GEMIN5: variants seen among roughly 807,000 people sequenced by gnomAD.
GEMIN5 encodes the protein gem nuclear organelle associated protein 5, also known as gem-associated protein 5.
In GEMIN5, 124 loss-of-function variants were observed where a neutral mutation model predicts 176.9. That is an observed-to-expected ratio of 0.70 (90% CI 0.61 to 0.81). GEMIN5 has a LOEUF of 0.81. GEMIN5 is among the 40% of genes least tolerant of loss of function. GEMIN5 has a pLI of 0.00. For synonymous variants in GEMIN5, 673 were observed against 665.2 expected (o/e 1.01, Z -0.18); for missense variants, 1,843 against 1,814.6 (o/e 1.02, Z -0.28).
At chr5:154,890,294 CTT>C (rs765030143) in intron 26 of GEMIN5, among the ~76,000 whole-genome samples, 16 of 152,050 alleles carry the variant, frequency 1.1e-4, no homozygotes, top group Non-Finnish European at 1.9e-4. Flanking sequence ...ATTGGATTAT[CTT>C]TTGTTATGCC....
At chr5:154,931,898 G>A (rs541053704) in intron 4 of GEMIN5, among the ~76,000 whole-genome samples, 1 of 152,240 alleles carries the variant, frequency 6.6e-6, no homozygotes, top group African/African-American at 2.4e-5. Flanking sequence ...CTGTAATCCC[G>A]GCTACTCGGG....
At position 154,932,139 on chromosome 5, in the gene GEMIN5, A is replaced by G; in HGVS notation, c.621T>C (p.Pro207=). 1 of 1,613,840 alleles carries G rather than the reference A, an allele frequency of 6.2e-7. No homozygotes were observed. The highest frequency in any genetic ancestry group is 8.5e-7 in the Non-Finnish European group (1 of 1,179,708). ...GGTTTATAGATAAACAATCTTCACC[A>G]GGCAGGGGACACCAGGCTATGGAGT... The part of the protein sequence containing the change: ...EIHSIAWCPL[P]GEDCLSINQE... Residue 207 remains proline, a synonymous_variant, in exon 4 of 28, where the codon CCT becomes CCC. Coordinates refer to ENST00000285873, the MANE Select transcript of GEMIN5 (RefSeq NM_015465.5).
At chr5:154,896,793 C>T (rs1763361388) in intron 23 of GEMIN5, among the ~76,000 whole-genome samples, 1 of 152,182 alleles carries the variant, frequency 6.6e-6, no homozygotes, top group East Asian at 1.9e-4. Context: ...CTGGGACAGG[C>T]ATTAGGAGCC....
In GEMIN5 at chr5:154,892,557, G is replaced by A. The variant is rs909485812; in HGVS notation, c.3598-8C>T. On this transcript the variant is annotated splice_region_variant and splice_polypyrimidine_tract_variant and intron_variant, in intron 24 of 27. Coordinates refer to ENST00000285873, the MANE Select transcript of GEMIN5 (RefSeq NM_015465.5). ...GCAAATGTGAAGCAGGAGCTGGAGA[G>A]AGAAGCCAGAGTCTGAGTTAAACAT... is the stretch of plus-strand genomic sequence containing the variant. The A allele has an allele frequency of 6.2e-7, 1 of 1,612,426 alleles. No individual in the cohort carries two copies. The highest frequency in any genetic ancestry group is 8.5e-7 in the Non-Finnish European group (1 of 1,179,026).
chr5:154,904,456 T>C (rs778115263), intron 18 of GEMIN5, 51 bp downstream of exon 18: 2 of 1,533,984 alleles, frequency 1.3e-6, no homozygotes, highest in Non-Finnish European at 1.8e-6. Context: ...ACATCCCTTA[T>C]ATACCAGTCC....
intron 12 of GEMIN5, 88 bp from the exon 13 acceptor site, chr5:154,917,267 C>T: frequency 1.5e-6 from 1 of 649,772 alleles, no homozygotes; most frequent in Admixed American, 2.9e-5. Flanking sequence ...TTCCGTCAGT[C>T]AAGGAAAGAT....
In GEMIN5 at chr5:154,892,553, G is replaced by A. The variant is rs1763254053; in HGVS notation, c.3598-4C>T. The A allele has an allele frequency of 2.5e-6, 4 of 1,612,950 alleles. No homozygotes were observed. Among genetic ancestry groups the A allele is most frequent in the South Asian group, 1.1e-5 (1 of 90,944 alleles). ...CATGGCAAATGTGAAGCAGGAGCTG[G>A]AGAGAGAAGCCAGAGTCTGAGTTAA... On this transcript the variant is annotated splice_region_variant and splice_polypyrimidine_tract_variant and intron_variant, in intron 24 of 27. Transcript: ENST00000285873.
At position 154,920,097 on chromosome 5, in the gene GEMIN5, TCTC is replaced by T. The variant is rs747877729; in HGVS notation, c.1466_1468del (p.Gly489del). 2.5e-6 allele frequency: 4 copies of T among 1,608,418 alleles called. No individual in the cohort carries two copies. Among genetic ancestry groups the T allele is most frequent in the Non-Finnish European group, 3.4e-6 (4 of 1,177,910 alleles). ...TAAAGCAAGGGAAGGTCTGTCTCCTTCTCCTCCTGTATGAAATAAGAAAAGAAA... is the reference window on the plus strand; with the variant it reads ...TAAAGCAAGGGAAGGTCTGTCTCCTTCTCCTGTATGAAATAAGAAAAGAAA... On this transcript the variant is annotated inframe_deletion, in exon 11 of 28. Transcript: ENST00000285873.
intron 9 of GEMIN5, 47 bp from the exon 10 acceptor site, chr5:154,921,472 G>C (rs747894767): frequency 4.7e-6 from 4 of 843,404 alleles, no homozygotes; most frequent in Non-Finnish European, 7.8e-6. Context: ...TAAACAAAAA[G>C]GCATAATGAA....
intron 26 of GEMIN5, 28 bp downstream of exon 26, chr5:154,891,213 T>C (rs1027378870): frequency 1.3e-6 from 2 of 1,579,710 alleles, no homozygotes; most frequent in Admixed American, 1.8e-5. Context: ...CATTTTTCAT[T>C]CCGTCTTGTA....
At position 154,898,487 on chromosome 5, in the gene GEMIN5, T is replaced by C. The variant is rs779016008; in HGVS notation, c.3298A>G (p.Asn1100Asp). The part of the protein sequence containing the change: ...RCAQELLLAN[N>D]WVGAQEALQL... ...AGGGCTTCCTGGGCTCCCACCCAGT[T>C]GTTGGCCAGAAGCAGCTCTTGGGCA... The change falls in exon 23 of 28, where the codon AAC becomes GAC. Residue 1100 changes from asparagine to aspartate, a missense_variant. By Grantham distance (23) the Asn-to-Asp change is conservative. Transcript: ENST00000285873. 109 of 1,614,070 alleles carry C rather than the reference T, an allele frequency of 6.8e-5. No individual in the cohort carries two copies. Among genetic ancestry groups the C allele is most frequent in the Non-Finnish European group, 8.6e-5 (101 of 1,180,044 alleles).
At chr5:154,931,095 A>C (rs1764152327) in intron 5 of GEMIN5, among the ~76,000 whole-genome samples, 1 of 152,240 alleles carries the variant, frequency 6.6e-6, no homozygotes, top group Non-Finnish European at 1.5e-5. Flanking sequence ...TTTATTCTGC[A>C]TTTGTGCATT....
Position 154,917,152 on chromosome 5 carries a change from G to A in GEMIN5, c.1701C>T (p.Asn567=), listed in dbSNP as rs1323008149. ...GTTGGATAGTACAGATCAGTTTCAGGTTGGGAATCTGAAATATTTCTATTG... is the reference window on the plus strand; with the variant it reads ...GTTGGATAGTACAGATCAGTTTCAGATTGGGAATCTGAAATATTTCTATTG... The part of the protein sequence containing the change: ...DGSIEIFQIP[N]LKLICTIQQH... The change falls in exon 13 of 28, where the codon AAC becomes AAT. Residue 567 remains asparagine, a synonymous_variant. Transcript: ENST00000285873. The A allele has an allele frequency of 2.0e-6, 3 of 1,507,486 alleles. No individual in the cohort carries two copies. The highest frequency in any genetic ancestry group is 2.0e-5 in the Admixed American group (1 of 51,210). 93.4% of individuals were successfully genotyped at this position (1,507,486 alleles called of 1,614,324 possible).
Position 154,892,035 on chromosome 5 carries a change from C to G in GEMIN5, c.3761-293G>C, listed in dbSNP as rs76880515. 2.4e-3 allele frequency among the ~76,000 whole-genome samples: 364 copies of G among 152,332 alleles called. 7 individuals carry two copies. In the East Asian group the frequency reaches 0.027, roughly 11 times the overall value. On this transcript the variant is annotated intron_variant, in intron 25 of 27. Transcript: ENST00000285873. ...GGGCCACGACAACAGATCACACTGT[C>G]TCTCTGAAAAATCACAATGATTTAG...
chr5:154,925,715 G>T (rs1207686441), intron 8 of GEMIN5, 147 bp downstream of exon 8: 3 of 596,060 alleles, frequency 5.0e-6, no homozygotes, highest in Non-Finnish European at 6.0e-6. Context: ...TTGGTTACAG[G>T]ATCATTCTGC....
chr5:154,895,228 ACAGTGGCT>A (rs1763324402), intron 24 of GEMIN5, among the ~76,000 whole-genome samples: 2 of 151,622 alleles, frequency 1.3e-5, no homozygotes, highest in Admixed American at 1.3e-4. Flanking sequence ...TACGCCAGGC[ACAGTGGCT>A]CATGCCTGTA....
chr5:154,936,097 G>A lies in GEMIN5; in HGVS notation c.328-75C>T, dbSNP rs1240921585. 3 of 914,532 alleles carry A rather than the reference G, an allele frequency of 3.3e-6. No individual in the cohort carries two copies. The African/African-American group carries it at 5.0e-5, about 15-fold the overall frequency. The allele number at this position is 914,532 out of a possible 1,614,324, so 56.7% of individuals were successfully genotyped here. A position where few individuals can be genotyped will look rare whatever the true frequency, so the allele number is the denominator to read the frequency against. ...AATTTTTAACTTGTATCACAAACCA[G>A]CATAATGCTACATATACACATTAAA... is the stretch of plus-strand genomic sequence containing the variant. On this transcript the variant is annotated intron_variant, in intron 2 of 27. Transcript: ENST00000285873.
intron 15 of GEMIN5, among the ~76,000 whole-genome samples, chr5:154,908,377 C>T (rs1030795633): frequency 6.6e-6 from 1 of 152,012 alleles, no homozygotes; most frequent in Non-Finnish European, 1.5e-5. Flanking sequence ...GACGGGGTTT[C>T]ACCATGTTGG....
At chr5:154,905,938 G>A (rs537764911) in intron 16 of GEMIN5, among the ~76,000 whole-genome samples, 3 of 151,706 alleles carry the variant, frequency 2.0e-5, no homozygotes, top group Non-Finnish European at 4.4e-5. Flanking sequence ...TGATCCACCT[G>A]CCTCAGCCTC....
Sources: gnomAD v4.1 joint callset for allele counts (sites outside exome capture counted in the v4.1 genomes callset) on GRCh38, gnomAD v4.1.1 for gene constraint, MANE v1.5 for transcripts, NCBI Gene and HGNC (gene_info 2026-07-23, HGNC 2026-07-21) for gene names.